Variants in PTPRA observed in about 807,000 individuals in gnomAD.
PTPRA encodes the protein receptor-type tyrosine-protein phosphatase alpha.
In PTPRA, 25 loss-of-function variants were observed where a neutral mutation model predicts 104.8. That is an observed-to-expected ratio of 0.24 (90% confidence interval 0.17 to 0.33). The LOEUF is 0.33. PTPRA is among the 10% of genes least tolerant of loss of function. The pLI, the probability that PTPRA is intolerant of heterozygous loss-of-function variation, is 1.00. For synonymous variants in PTPRA, 323 were observed against 368.9 expected (o/e 0.88, Z 1.43); for missense variants, 765 against 1,015.3 (o/e 0.75, Z 3.35).
rs550693715 is a variant in PTPRA, at chr20:2,948,722, T to C, written c.-7+698T>C. On this transcript the variant is annotated intron_variant, in intron 3 of 23. Coordinates refer to ENST00000399903, the MANE Select transcript of PTPRA (RefSeq NM_001385305.1). ...ATCCCAGCACTTTGGGAGGCCAAGG[T>C]GGGCGGATCACAAGGTCAGGAGATC... 1.3e-3 allele frequency among the ~76,000 whole-genome samples: 199 copies of C among 151,738 alleles called. 1 individual carries two copies. The highest frequency in any genetic ancestry group is 3.5e-3 in the Middle Eastern group (1 of 286).
At chr20:2,868,771 CCT>C (rs987701612), upstream of PTPRA, among the ~76,000 whole-genome samples, 1 of 151,828 alleles carries the variant, frequency 6.6e-6, no homozygotes, top group African/African-American at 2.4e-5. Context: ...ACCCAGTTTT[CCT>C]CTCTGGAAAG....
intron 5 of PTPRA, among the ~76,000 whole-genome samples, chr20:2,966,849 C>T (rs983600162): frequency 6.6e-6 from 1 of 152,064 alleles, no homozygotes; most frequent in African/African-American, 2.4e-5. Context: ...CATGTTTATT[C>T]TTTTAATGTT....
At chr20:2,960,655 G>A (rs1456956313) in intron 3 of PTPRA, among the ~76,000 whole-genome samples, 1 of 151,694 alleles carries the variant, frequency 6.6e-6, no homozygotes, top group Non-Finnish European at 1.5e-5. Context: ...TCCCACCTCA[G>A]CCTCCTAAAT....
intron 5 of PTPRA, 73 bp from the exon 6 acceptor site, chr20:2,975,139 TTTG>T (rs1040003010): frequency 7.6e-7 from 1 of 1,309,494 alleles, no homozygotes; most frequent in Non-Finnish European, 1.1e-6. Context: ...TGGAGCTTGT[TTTG>T]TTGTACTCTA....
intron 1 of PTPRA, among the ~76,000 whole-genome samples, chr20:2,882,449 C>CTATTT (rs1366270349): frequency 6.6e-6 from 1 of 151,834 alleles, no homozygotes; most frequent in Non-Finnish European, 1.5e-5. Flanking sequence ...ACCACCATAC[C>CTATTT]TATTTTTTTT....
At chr20:3,006,992 G>A (rs989746886) in intron 10 of PTPRA, among the ~76,000 whole-genome samples, 3 of 152,040 alleles carry the variant, frequency 2.0e-5, no homozygotes, top group African/African-American at 7.3e-5. Context: ...GTGGGTGTGG[G>A]TATGTGTATA....
intron 9 of PTPRA, among the ~76,000 whole-genome samples, chr20:2,992,535 A>G (rs2063224045): frequency 6.6e-6 from 1 of 152,016 alleles, no homozygotes; most frequent in East Asian, 1.9e-4. Flanking sequence ...CAAAACAAAC[A>G]AAAAAACCCC....
Position 3,038,259 on chromosome 20 carries a change from A to G in PTPRA, c.*126A>G, listed in dbSNP as rs1470315382. On this transcript the variant is annotated 3_prime_UTR_variant, in exon 24 of 24. Coordinates refer to ENST00000399903, the MANE Select transcript of PTPRA (RefSeq NM_001385305.1). ...TTTAGAAATTGGTACATAGGCTTCT[A>G]TTACCTATTAGGTGGAAATTTTATA... 4.7e-6 allele frequency: 4 copies of G among 858,486 alleles called. No individual in the cohort carries two copies. Among genetic ancestry groups the G allele is most frequent in the Non-Finnish European group, 1.8e-6 (1 of 553,182 alleles). 53.2% of individuals were successfully genotyped at this position (858,486 alleles called of 1,614,324 possible). A position where few individuals can be genotyped will look rare whatever the true frequency, so the allele number is the denominator to read the frequency against.
intron 3 of PTPRA, among the ~76,000 whole-genome samples, chr20:2,956,824 G>A (rs922000874): frequency 6.6e-6 from 1 of 152,134 alleles, no homozygotes; most frequent in African/African-American, 2.4e-5. Context: ...TGAAAGTATG[G>A]ATATGTATCC....
At chr20:2,910,373 T>TA (rs1204424199) in intron 1 of PTPRA, among the ~76,000 whole-genome samples, 5 of 82,118 alleles carry the variant, frequency 6.1e-5, no homozygotes, top group African/African-American at 2.6e-4. Context: ...TATAATATAT[T>TA]TTGTATATTA....
intron 1 of PTPRA, among the ~76,000 whole-genome samples, chr20:2,887,683 G>A (rs1391857618): frequency 3.9e-5 from 6 of 152,318 alleles, no homozygotes; most frequent in Non-Finnish European, 8.8e-5. Context: ...TCAAATATTG[G>A]TTGACAAGTG....
At chr20:2,939,784 A>G (rs1342711844) in intron 2 of PTPRA, among the ~76,000 whole-genome samples, 2 of 152,152 alleles carry the variant, frequency 1.3e-5, no homozygotes, top group Admixed American at 6.5e-5. Context: ...CACTTGTGTC[A>G]TGAATTTCAT....
intron 13 of PTPRA, among the ~76,000 whole-genome samples, chr20:3,020,927 C>T (rs940211755): frequency 3.3e-5 from 5 of 152,246 alleles, no homozygotes; most frequent in African/African-American, 1.2e-4. Context: ...GTGGCCCCCT[C>T]ATAGCAGACT....
intron 2 of PTPRA, among the ~76,000 whole-genome samples, chr20:2,941,856 TAGGG>T (rs1323516518): frequency 6.6e-6 from 1 of 152,150 alleles, no homozygotes; most frequent in African/African-American, 2.4e-5. Context: ...ATCAGTGCCT[TAGGG>T]AGGCCTTGGC....
At chr20:2,940,166 A>T (rs2060856864) in intron 2 of PTPRA, among the ~76,000 whole-genome samples, 1 of 152,096 alleles carries the variant, frequency 6.6e-6, no homozygotes, top group Non-Finnish European at 1.5e-5. Flanking sequence ...GAATATGCTT[A>T]CTCCATCTTT....
chr20:3,035,546 G>A lies in PTPRA; in HGVS notation c.1921-39G>A, dbSNP rs1266610692. 1.9e-6 allele frequency: 3 copies of A among 1,582,150 alleles called. No individual in the cohort carries two copies. The highest frequency in any genetic ancestry group is 3.3e-5 in the Admixed American group (2 of 59,706). On this transcript the variant is annotated intron_variant, in intron 20 of 23. Transcript: ENST00000399903. This position sits in a 1 kb window ranked among gnomAD's most constrained non-coding sequence, Gnocchi z 5.8. Reference sequence around the variant, plus strand: ...GGGCAGTGCTGCTTCTACACATGTGGTACTCTGAGCTCCTCACCTCTCCAA... The same window carrying A: ...GGGCAGTGCTGCTTCTACACATGTGATACTCTGAGCTCCTCACCTCTCCAA...
chr20:2,981,868 T>G (rs1170762891), intron 6 of PTPRA, among the ~76,000 whole-genome samples: 2 of 152,210 alleles, frequency 1.3e-5, no homozygotes, highest in East Asian at 3.9e-4. Context: ...TGGCTCTGTT[T>G]GATCTCTTGG....
chr20:2,882,728 A>G (rs2090130687), intron 1 of PTPRA, among the ~76,000 whole-genome samples: 1 of 152,350 alleles, frequency 6.6e-6, no homozygotes, highest in African/African-American at 2.4e-5. Context: ...GAACATTACT[A>G]TATGGAATAA....
At chr20:2,955,738 C>A in intron 3 of PTPRA, 1 of 893,328 alleles carries the variant, frequency 1.1e-6, no homozygotes, top group South Asian at 5.1e-5. Flanking sequence ...CCACCTACTC[C>A]TGCCTACTGT....
Sources: gnomAD v4.1 joint callset for allele counts (sites outside exome capture counted in the v4.1 genomes callset) on GRCh38, gnomAD v4.1.1 for gene constraint, Gnocchi (gnomAD v3.1) non-coding constraint, MANE v1.5 for transcripts, NCBI Gene and HGNC (gene_info 2026-07-23, HGNC 2026-07-21) for gene names.